Variants in ARHGAP32 observed in about 807,000 individuals in gnomAD.
ARHGAP32 encodes the protein rho GTPase-activating protein 32.
A neutral mutation model predicts 186.5 loss-of-function variants in ARHGAP32; 51 were observed. The observed-to-expected ratio is 0.27, with a 90% CI of 0.22 to 0.35. The LOEUF is 0.35. ARHGAP32 is among the 10% of genes least tolerant of loss of function. ARHGAP32 has a pLI of 1.00. For missense variants in ARHGAP32, 2,186 were observed against 2,623.5 expected, an observed-to-expected ratio of 0.83 and a Z score of 3.64; for synonymous variants, 950 against 964.3, an observed-to-expected ratio of 0.99 and a Z score of 0.27.
chr11:129,077,004 T>C (rs1470266926), intron 6 of ARHGAP32, among the ~76,000 whole-genome samples: 1 of 152,276 alleles, frequency 6.6e-6, no homozygotes, highest in Admixed American at 6.5e-5. Context: ...AAAATCCAGA[T>C]CATGGAAGAA....
chr11:129,106,391 G>T (rs1306328147), intron 5 of ARHGAP32, among the ~76,000 whole-genome samples: 1 of 152,040 alleles, frequency 6.6e-6, no homozygotes, highest in Admixed American at 6.6e-5. Context: ...TGCAGACAGT[G>T]GTTATTAGCC....
chr11:128,976,854 C>T (rs192741900), intron 19 of ARHGAP32, among the ~76,000 whole-genome samples: 23 of 152,144 alleles, frequency 1.5e-4, no homozygotes, highest in African/African-American at 5.3e-4. Flanking sequence ...AAATGGTTTC[C>T]CGTGTGAAAA....
chr11:129,171,586 G>C (rs1401076805), intron 1 of ARHGAP32, among the ~76,000 whole-genome samples: 1 of 152,228 alleles, frequency 6.6e-6, no homozygotes, highest in Non-Finnish European at 1.5e-5. Flanking sequence ...TTGTAGTATA[G>C]TTTGAAGTCA....
intron 21 of ARHGAP32, 187 bp downstream of exon 21, chr11:128,973,937 C>T: frequency 1.6e-6 from 1 of 639,994 alleles, no homozygotes; most frequent in Non-Finnish European, 2.6e-6. Flanking sequence ...GGACCATTGG[C>T]CCTTTTGGGG....
intron 2 of ARHGAP32, among the ~76,000 whole-genome samples, chr11:129,153,059 A>G (rs1332964264): frequency 1.3e-5 from 2 of 152,116 alleles, no homozygotes; most frequent in Admixed American, 1.3e-4. Flanking sequence ...CAAAATTAAT[A>G]TACATAAATC....
intron 1 of ARHGAP32, among the ~76,000 whole-genome samples, chr11:129,232,197 T>A (rs1944868812): frequency 6.6e-6 from 1 of 152,038 alleles, no homozygotes; most frequent in Non-Finnish European, 1.5e-5. Flanking sequence ...CACTCACGGG[T>A]GACATTAGTG....
chr11:129,123,455 G>A lies in ARHGAP32; in HGVS notation c.435C>T (p.Gly145=). 1.2e-6 allele frequency: 2 copies of A among 1,612,282 alleles called. No homozygotes were observed. The highest frequency in any genetic ancestry group is 1.7e-6 in the Non-Finnish European group (2 of 1,178,754). Residue 145 remains glycine (G), a synonymous_variant, in exon 5 of 23, where the codon GGC becomes GGT. Coordinates refer to ENST00000682385, the MANE Select transcript of ARHGAP32 (RefSeq NM_001378024.1). This position sits in a 1 kb window ranked among gnomAD's most constrained non-coding sequence, Gnocchi z 4.6. ...AHFHYENVEF[G]SIQLSLSEEQ... ...AAATATTTCAGTATACCTGTATGCT[G>A]CCGAACTCAACATTCTCATAATGGA...
chr11:129,214,771 G>A (rs559249332), intron 1 of ARHGAP32, among the ~76,000 whole-genome samples: 6 of 152,286 alleles, frequency 3.9e-5, no homozygotes, highest in African/African-American at 7.2e-5. Context: ...CACTAGGTAC[G>A]GTCAGCAAAC....
At chr11:129,040,824 A>T (rs1002701115) in intron 11 of ARHGAP32, 104 bp downstream of exon 11, 2 of 731,176 alleles carry the variant, frequency 2.7e-6, no homozygotes, top group Non-Finnish European at 4.6e-6. Context: ...TATTATGCCT[A>T]TAAATGCAAA....
chr11:128,968,270 T>C lies in ARHGAP32; in HGVS notation c.*637A>G, dbSNP rs1751912663. 6.6e-6 allele frequency: 1 copy of C among 152,208 alleles called. No homozygotes were observed. The highest frequency in any genetic ancestry group is 2.1e-4 in the South Asian group (1 of 4,828). 9.4% of individuals were successfully genotyped at this position (152,208 alleles called of 1,614,324 possible). ...TGGTTCAGCCTGAGTCTAAGTGGTC[T>C]GGTGTTTTATGATGACTCTACCAAA... On this transcript the variant is annotated 3_prime_UTR_variant, in exon 23 of 23. Transcript: ENST00000682385.
chr11:129,276,428 G>A (rs1945532340), intron 1 of ARHGAP32, among the ~76,000 whole-genome samples: 1 of 152,038 alleles, frequency 6.6e-6, no homozygotes, highest in South Asian at 2.1e-4. Flanking sequence ...AACCTCCCGA[G>A]TAGCCAGGAC....
At chr11:128,995,984 A>C (rs966588124) in intron 12 of ARHGAP32, among the ~76,000 whole-genome samples, 1 of 152,238 alleles carries the variant, frequency 6.6e-6, no homozygotes, top group African/African-American at 2.4e-5. Context: ...AACACTATAA[A>C]GTGTCTTGCT....
chr11:129,017,447 C>CAAAAAAAAAAAAA (rs71472084), intron 11 of ARHGAP32, among the ~76,000 whole-genome samples: 1 of 89,624 alleles, frequency 1.1e-5, no homozygotes, highest in Non-Finnish European at 2.3e-5. Context: ...GACCCGGTCT[C>CAAAAAAAAAAAAA]AAAAAAAAAA....
chr11:129,018,111 C>T (rs1425004056), intron 11 of ARHGAP32, among the ~76,000 whole-genome samples: 1 of 151,966 alleles, frequency 6.6e-6, no homozygotes, highest in Non-Finnish European at 1.5e-5. Flanking sequence ...TGCTTTTATG[C>T]TTTTATATTT....
At chr11:129,244,791 C>A (rs1296385767) in intron 1 of ARHGAP32, among the ~76,000 whole-genome samples, 6 of 152,090 alleles carry the variant, frequency 3.9e-5, no homozygotes, top group Admixed American at 3.3e-4. Flanking sequence ...GGGCAAAGGA[C>A]ATAAACAGAC....
At chr11:129,103,363 G>A (rs1941954863) in intron 5 of ARHGAP32, among the ~76,000 whole-genome samples, 1 of 151,826 alleles carries the variant, frequency 6.6e-6, no homozygotes, top group Admixed American at 6.6e-5. Flanking sequence ...GAATCACTAA[G>A]AGAAAAAAAG....
At position 128,980,727 on chromosome 11, in the gene ARHGAP32, G is replaced by A. The variant is rs985742535; in HGVS notation, c.1802C>T (p.Ser601Phe). ...EGAASLSRPK[S>F]LLVSSPSTKL... ...GGTGGATGGAGAGGATACCAGGAGG[G>A]ACTTGGGCCTTGATAGAGAAGCTTC... Residue 601 changes from serine to phenylalanine, a missense_variant, in exon 18 of 23, where the codon TCC (serine) becomes TTC (phenylalanine). Around this residue, in one of 5 missense-constraint regions of ARHGAP32, gnomAD observed 263 missense variants for 323.5 expected, o/e 0.81. Transcript: ENST00000682385. 1.2e-6 allele frequency: 2 copies of A among 1,610,636 alleles called. No individual in the cohort carries two copies. The highest frequency in any genetic ancestry group is 1.7e-6 in the Non-Finnish European group (2 of 1,178,790).
At chr11:129,184,451 T>C (rs1027736512) in intron 1 of ARHGAP32, among the ~76,000 whole-genome samples, 2 of 152,130 alleles carry the variant, frequency 1.3e-5, no homozygotes, top group Admixed American at 6.6e-5. Flanking sequence ...TATGTATCTA[T>C]ACGTGAAGAA....
At chr11:128,996,741 A>C (rs951880861) in intron 12 of ARHGAP32, among the ~76,000 whole-genome samples, 1 of 152,068 alleles carries the variant, frequency 6.6e-6, no homozygotes, top group Admixed American at 6.6e-5. Context: ...AAGCTGTTTC[A>C]CTCACATTTC....
Sources: allele counts gnomAD v4.1 joint callset (sites outside exome capture counted in the v4.1 genomes callset), GRCh38; gene constraint gnomAD v4.1.1; regional missense constraint gnomAD v4.1.1; non-coding constraint Gnocchi (gnomAD v3.1); transcripts MANE v1.5; gene names NCBI Gene and HGNC (gene_info 2026-07-23, HGNC 2026-07-21).